RETREG1: variants seen among roughly 807,000 people sequenced by gnomAD.
RETREG1 encodes the protein family with sequence similarity 134 member B.
A neutral mutation model predicts 54.8 loss-of-function variants in RETREG1; 44 were observed. That is an observed-to-expected ratio of 0.80 (90% CI 0.63 to 1.03). RETREG1 has a LOEUF of 1.03. RETREG1 is among the 50% of genes least tolerant of loss of function. The probability of loss-of-function intolerance (pLI) is 0.00; values close to 1 mark genes in which losing one functional copy is unlikely to be tolerated. For synonymous variants in RETREG1, 217 were observed against 238.5 expected (o/e 0.91, Z 0.83); for missense variants, 554 against 605.1 (o/e 0.92, Z 0.89).
At chr5:16,599,625 G>A (rs947621746) in intron 1 of RETREG1, among the ~76,000 whole-genome samples, 18 of 152,122 alleles carry the variant, frequency 1.2e-4, no homozygotes, top group South Asian at 2.1e-4. Flanking sequence ...CATATACCAC[G>A]GTGCTGGGAT....
At chr5:16,596,240 T>C (rs571738765) in intron 1 of RETREG1, among the ~76,000 whole-genome samples, 2 of 152,344 alleles carry the variant, frequency 1.3e-5, no homozygotes, top group South Asian at 2.1e-4. Context: ...AACTTGATCA[T>C]AGAAATAATT....
At chr5:16,480,690 G>T (rs952064232) in intron 5 of RETREG1, among the ~76,000 whole-genome samples, 4 of 152,150 alleles carry the variant, frequency 2.6e-5, no homozygotes, top group African/African-American at 9.6e-5. Flanking sequence ...ATTTTTTTGA[G>T]CCAAAGAACA....
At chr5:16,496,387 C>CTGGTTTGG (rs1470809084) in intron 3 of RETREG1, among the ~76,000 whole-genome samples, 4 of 152,292 alleles carry the variant, frequency 2.6e-5, no homozygotes, top group Admixed American at 2.6e-4. Context: ...ATCACACTGC[C>CTGGTTTGG]ACCCCATGGA....
rs546156055 is a variant in RETREG1 at position 16,578,062 on chromosome 5, G to A, written c.321-5960C>T. On this transcript the variant is annotated intron_variant, in intron 1 of 8. Coordinates refer to ENST00000306320, the MANE Select transcript of RETREG1 (RefSeq NM_001034850.3). The stretch of plus-strand genomic sequence containing the variant: ...ACTCAAGAGTTTGAACATATTTGAC[G>A]TGTTTCAGTCACTGCAGAGTTATCC... Among the ~76,000 whole-genome samples the A allele has an allele frequency of 7.2e-4, 110 of 152,056 alleles. 1 individual carries two copies. The highest frequency in any genetic ancestry group is 2.5e-3 in the African/African-American group (105 of 41,460).
chr5:16,581,262 C>A (rs561154697), intron 1 of RETREG1, among the ~76,000 whole-genome samples: 7 of 152,252 alleles, frequency 4.6e-5, no homozygotes, highest in Non-Finnish European at 1.0e-4. Flanking sequence ...AGCTGAGGCT[C>A]CAATCCCCTG....
At chr5:16,510,473 A>G (rs1740134992) in intron 3 of RETREG1, among the ~76,000 whole-genome samples, 1 of 152,096 alleles carries the variant, frequency 6.6e-6, no homozygotes, top group Admixed American at 6.6e-5. Flanking sequence ...AATATTATCA[A>G]TGATAATATT....
At position 16,594,099 on chromosome 5, in the gene RETREG1, T is replaced by G. The variant is rs1184524969; in HGVS notation, c.321-21997A>C. On this transcript the variant is annotated intron_variant, in intron 1 of 8. Transcript: ENST00000306320. The surrounding 1 kb of genome is among the most constrained non-coding windows in gnomAD (Gnocchi z 4.4). ...TCACAATCTTAAGATACAACTTGTC[T>G]GTACCAGGCAAAACCTACACACAGC... 6.6e-6 allele frequency among the ~76,000 whole-genome samples: 1 copy of G among 152,238 alleles called. No individual in the cohort carries two copies. Among genetic ancestry groups the G allele is most frequent in the Non-Finnish European group, 1.5e-5 (1 of 68,046 alleles).
At chr5:16,509,623 T>A (rs935915876) in intron 3 of RETREG1, among the ~76,000 whole-genome samples, 16 of 149,390 alleles carry the variant, frequency 1.1e-4, no homozygotes, top group African/African-American at 4.0e-4. Flanking sequence ...GACAAAAAGT[T>A]GAAGCCATTT....
chr5:16,596,465 T>C (rs1467800668), intron 1 of RETREG1, among the ~76,000 whole-genome samples: 1 of 152,216 alleles, frequency 6.6e-6, no homozygotes, highest in Non-Finnish European at 1.5e-5. Context: ...CCATGTAGCA[T>C]TAAGCATTAC....
intron 1 of RETREG1, among the ~76,000 whole-genome samples, chr5:16,595,101 A>G (rs1301761190): frequency 1.3e-5 from 2 of 152,200 alleles, no homozygotes; most frequent in African/African-American, 4.8e-5. Flanking sequence ...TAAGTAACTG[A>G]GCCCCAGACC....
chr5:16,587,076 G>A (rs1330936430), intron 1 of RETREG1, among the ~76,000 whole-genome samples: 1 of 152,144 alleles, frequency 6.6e-6, no homozygotes, highest in Non-Finnish European at 1.5e-5. Context: ...ATAAGAATGC[G>A]GGGACAAAAG....
At chr5:16,596,267 T>C (rs982103748) in intron 1 of RETREG1, among the ~76,000 whole-genome samples, 2 of 152,228 alleles carry the variant, frequency 1.3e-5, no homozygotes, top group African/African-American at 4.8e-5. Flanking sequence ...CATGATGCGT[T>C]TGAAATACTG....
chr5:16,609,546 C>T (rs1032764135), intron 1 of RETREG1, among the ~76,000 whole-genome samples: 1 of 152,114 alleles, frequency 6.6e-6, no homozygotes, highest in African/African-American at 2.4e-5. Context: ...TAGAAGGACG[C>T]CATCCAGGAG....
intron 3 of RETREG1, among the ~76,000 whole-genome samples, chr5:16,550,236 G>A (rs1414177330): frequency 6.7e-6 from 1 of 150,098 alleles, no homozygotes; most frequent in Non-Finnish European, 1.5e-5. Context: ...TAATAATGTC[G>A]ACTTCCTTCC....
rs1230137114 is a variant in RETREG1 at position 16,593,843 on chromosome 5, T to G, written c.321-21741A>C. Among the ~76,000 whole-genome samples the G allele has an allele frequency of 6.6e-6, 1 of 152,228 alleles. No homozygotes were observed. The highest frequency in any genetic ancestry group is 1.5e-5 in the Non-Finnish European group (1 of 68,042). ...CATGTGTCCCTATCACCAGAGGAGCTGCAGCAGATGCACCTCCGTCAAATC... is the reference window on the plus strand; with the variant it reads ...CATGTGTCCCTATCACCAGAGGAGCGGCAGCAGATGCACCTCCGTCAAATC... On this transcript the variant is annotated intron_variant, in intron 1 of 8. Transcript: ENST00000306320. This position sits in a 1 kb window ranked among gnomAD's most constrained non-coding sequence, Gnocchi z 4.9.
chr5:16,560,866 G>T (rs534577376), intron 3 of RETREG1, among the ~76,000 whole-genome samples: 17 of 152,268 alleles, frequency 1.1e-4, no homozygotes, highest in African/African-American at 4.1e-4. Flanking sequence ...AGAAATTCAA[G>T]GAATAAGTAT....
At chr5:16,605,151 T>G (rs1743151387) in intron 1 of RETREG1, among the ~76,000 whole-genome samples, 1 of 152,226 alleles carries the variant, frequency 6.6e-6, no homozygotes. Flanking sequence ...CAGTCATTTA[T>G]GCTTCTCCAC....
chr5:16,544,307 T>G (rs1270821743), intron 3 of RETREG1, among the ~76,000 whole-genome samples: 1 of 152,196 alleles, frequency 6.6e-6, no homozygotes, highest in Non-Finnish European at 1.5e-5. Flanking sequence ...CTTTATACAT[T>G]CTGGAAAAAA....
At chr5:16,588,460 T>G (rs987184992) in intron 1 of RETREG1, among the ~76,000 whole-genome samples, 1 of 152,172 alleles carries the variant, frequency 6.6e-6, no homozygotes, top group Non-Finnish European at 1.5e-5. Flanking sequence ...GACTTCAGCA[T>G]TTGAATTTGG....
Sources: gnomAD v4.1 joint callset for allele counts (sites outside exome capture counted in the v4.1 genomes callset) on GRCh38, gnomAD v4.1.1 for gene constraint, Gnocchi (gnomAD v3.1) non-coding constraint, MANE v1.5 for transcripts, NCBI Gene and HGNC (gene_info 2026-07-23, HGNC 2026-07-21) for gene names.